Variants in APOLD1 observed in about 807,000 individuals in gnomAD.
The protein encoded by APOLD1 is apolipoprotein L domain containing 1.
APOLD1 carries 22 observed loss-of-function variants against 15.3 expected under a neutral mutation model. The ratio of observed to expected loss-of-function variants is 1.44; its 90% CI spans 1.03 to 2.05. The LOEUF is 2.05. Ranked by LOEUF, APOLD1 falls within the 30% of genes most tolerant of loss-of-function variation. APOLD1 has a pLI of 0.00. For synonymous variants in APOLD1, 190 were observed against 167.4 expected (o/e 1.13, Z -1.04); for missense variants, 394 against 353.5 (o/e 1.11, Z -0.92).
chr12:12,730,210 G>A (rs778799396), intron 1 of APOLD1, among the ~76,000 whole-genome samples: 1 of 151,894 alleles, frequency 6.6e-6, no homozygotes, highest in Non-Finnish European at 1.5e-5. Context: ...CATCATGCCT[G>A]GCTCACTGGA....
At chr12:12,729,424 A>AT (rs887822830) in intron 1 of APOLD1, among the ~76,000 whole-genome samples, 11 of 151,534 alleles carry the variant, frequency 7.3e-5, no homozygotes, top group South Asian at 4.2e-4. Flanking sequence ...ATAAGATGTA[A>AT]TTTTTTTTTC....
chr12:12,787,228 C>T lies in APOLD1; in HGVS notation c.323C>T (p.Ser108Leu), dbSNP rs1947137700. 6.4e-7 allele frequency: 1 copy of T among 1,568,634 alleles called. No homozygotes were observed. Among genetic ancestry groups the T allele is most frequent in the African/African-American group, 1.3e-5 (1 of 74,234 alleles). ...GGAVTITSDL[S>L]LIFCNSRELR... ...GCCGTCACCATCACGTCCGATCTCT[C>T]GCTGATCTTCTGCAACTCCCGGGAG... The change falls in exon 2 of 2, where the codon TCG (serine) becomes TTG (leucine). Residue 108 changes from serine to leucine, a missense_variant. Ser to Leu is a moderately radical substitution (Grantham distance 145). Transcript: ENST00000356591. The surrounding 1 kb of genome is among the most constrained non-coding windows in gnomAD (Gnocchi z 4.9).
At chr12:12,768,927 C>G (rs1437414259) in intron 1 of APOLD1, among the ~76,000 whole-genome samples, 1 of 151,532 alleles carries the variant, frequency 6.6e-6, no homozygotes, top group Non-Finnish European at 1.5e-5. Flanking sequence ...ATGTAAGGAG[C>G]TCAGAAGTCA....
At chr12:12,775,209 G>T (rs1430135832) in intron 1 of APOLD1, among the ~76,000 whole-genome samples, 1 of 152,218 alleles carries the variant, frequency 6.6e-6, no homozygotes, top group Non-Finnish European at 1.5e-5. Context: ...AAGGCTACAT[G>T]CTGTGATTCC....
At chr12:12,748,640 T>A (rs1946783496) in intron 1 of APOLD1, among the ~76,000 whole-genome samples, 1 of 99,018 alleles carries the variant, frequency 1.0e-5, no homozygotes, top group Admixed American at 1.3e-4. Flanking sequence ...TTGAAATATA[T>A]AATTATGGGT....
At chr12:12,774,404 G>A (rs1947012542) in intron 1 of APOLD1, among the ~76,000 whole-genome samples, 1 of 151,548 alleles carries the variant, frequency 6.6e-6, no homozygotes, top group Non-Finnish European at 1.5e-5. Flanking sequence ...AAATTATCTG[G>A]GTATGGTGGT....
intron 1 of APOLD1, among the ~76,000 whole-genome samples, chr12:12,734,243 C>A (rs1946665992): frequency 1.3e-5 from 2 of 152,142 alleles, no homozygotes; most frequent in Non-Finnish European, 2.9e-5. Flanking sequence ...AACATGATCC[C>A]AAAACTCACA....
intron 1 of APOLD1, among the ~76,000 whole-genome samples, chr12:12,770,714 C>T (rs1412440560): frequency 6.7e-6 from 1 of 150,126 alleles, no homozygotes; most frequent in Non-Finnish European, 1.5e-5. Context: ...AGAATTTCCC[C>T]AAGCCAGTGT....
intron 1 of APOLD1, among the ~76,000 whole-genome samples, chr12:12,740,450 G>T (rs1203608511): frequency 6.6e-6 from 1 of 152,108 alleles, no homozygotes; most frequent in Non-Finnish European, 1.5e-5. Context: ...ACCCTACTTT[G>T]CTTCAGCCCT....
intron 1 of APOLD1, among the ~76,000 whole-genome samples, chr12:12,760,233 G>A (rs57109352): frequency 0.13 from 20,289 of 152,002 alleles, 1,493 homozygotes; most frequent in South Asian, 0.25. Context: ...GGCTGAGATG[G>A]GAGGATCACT....
At chr12:12,745,021 T>C (rs1230727836) in intron 1 of APOLD1, among the ~76,000 whole-genome samples, 1 of 152,190 alleles carries the variant, frequency 6.6e-6, no homozygotes, top group African/African-American at 2.4e-5. Context: ...GAATTTATTG[T>C]TTTATGCCTG....
intron 1 of APOLD1, among the ~76,000 whole-genome samples, chr12:12,776,786 G>A (rs745423658): frequency 6.6e-6 from 1 of 152,086 alleles, no homozygotes; most frequent in Middle Eastern, 3.4e-3. Flanking sequence ...ATAAAAAATC[G>A]GATTATGAAG....
At chr12:12,758,221 C>G (rs975668978) in intron 1 of APOLD1, among the ~76,000 whole-genome samples, 6 of 151,138 alleles carry the variant, frequency 4.0e-5, no homozygotes, top group Middle Eastern at 3.4e-3. Context: ...CAGGTGTGAA[C>G]CACCACGCCT....
At chr12:12,734,658 G>A (rs1459421379) in intron 1 of APOLD1, among the ~76,000 whole-genome samples, 2 of 152,118 alleles carry the variant, frequency 1.3e-5, no homozygotes, top group Non-Finnish European at 2.9e-5. Flanking sequence ...CTGATTTTTG[G>A]CCACAAACCA....
intron 1 of APOLD1, chr12:12,726,411 G>C (rs1382604312): frequency 4.8e-6 from 2 of 414,054 alleles, no homozygotes; most frequent in African/African-American, 2.1e-5. Context: ...TGTACGTTAA[G>C]ATTTAGGATG....
chr12:12,726,164 A>AAAAAG (rs1442859088), intron 1 of APOLD1: 1 of 912,164 alleles, frequency 1.1e-6, no homozygotes, highest in East Asian at 3.9e-5. Context: ...ACCAAAAAAA[A>AAAAAG]AAAAAAAAAA....
intron 1 of APOLD1, among the ~76,000 whole-genome samples, chr12:12,751,821 G>A (rs140969312): frequency 6.6e-6 from 1 of 152,356 alleles, no homozygotes; most frequent in East Asian, 1.9e-4. Flanking sequence ...GTTACCTTGT[G>A]TGTCCAATAT....
At chr12:12,760,249 C>T (rs1946887650) in intron 1 of APOLD1, among the ~76,000 whole-genome samples, 1 of 152,050 alleles carries the variant, frequency 6.6e-6, no homozygotes, top group Admixed American at 6.6e-5. Flanking sequence ...TCACTTGAGC[C>T]TGGGAGGCAG....
upstream of APOLD1, among the ~76,000 whole-genome samples, chr12:12,783,242 A>C (rs1394199889): frequency 6.6e-6 from 1 of 152,178 alleles, no homozygotes; most frequent in Non-Finnish European, 1.5e-5. Flanking sequence ...ACAAATGCTG[A>C]ATTGAATCGC....
Sources: allele counts gnomAD v4.1 joint callset (sites outside exome capture counted in the v4.1 genomes callset), GRCh38; gene constraint gnomAD v4.1.1; non-coding constraint Gnocchi (gnomAD v3.1); transcripts MANE v1.5; gene names NCBI Gene and HGNC (gene_info 2026-07-23, HGNC 2026-07-21).